The following FGGY variants were observed in gnomAD, a reference collection of about 807,000 sequenced individuals.
FGGY encodes FGGY carbohydrate kinase domain-containing protein.
FGGY carries 72 observed loss-of-function variants against 71.3 expected under a neutral mutation model. The ratio of observed to expected loss-of-function variants is 1.01; its 90% CI spans 0.84 to 1.23. The LOEUF is 1.23. FGGY is among the 50% of genes most tolerant of loss of function. FGGY has a pLI of 0.00. For synonymous variants in FGGY, 251 were observed against 250.3 expected (o/e 1.00, Z -0.02); for missense variants, 668 against 682.3 (o/e 0.98, Z 0.23).
rs781021371 is a variant in FGGY at position 59,660,294 on chromosome 1, G to C, written c.1296+1G>C. The C allele has an allele frequency of 3.7e-6, 6 of 1,611,686 alleles. No individual in the cohort carries two copies. Among genetic ancestry groups the C allele is most frequent in the Non-Finnish European group, 5.1e-6 (6 of 1,179,292 alleles). On this transcript the variant is annotated splice_donor_variant, in intron 12 of 15. Transcript: ENST00000303721. LOFTEE classifies it high-confidence loss of function. ...CCTGGCCACAGTTCAAGCCATTGCTGTAAGATACTGTAATGCCATTTTTAA... is the reference window on the plus strand; with the variant it reads ...CCTGGCCACAGTTCAAGCCATTGCTCTAAGATACTGTAATGCCATTTTTAA...
Position 59,496,814 on chromosome 1 carries a change from C to T in FGGY, c.671-15497C>T, listed in dbSNP as rs1262595799. Among the ~76,000 whole-genome samples the T allele has an allele frequency of 2.6e-5, 4 of 152,188 alleles. No homozygotes were observed. In the East Asian group the frequency reaches 7.7e-4, roughly 29 times the overall value. ...TATTTCCTTAGAGATTCTCAGTGCA[C>T]ACCAGCATATTAAAGTCCCAATTGT... On this transcript the variant is annotated intron_variant, in intron 6 of 15. Transcript: ENST00000303721.
intron 14 of FGGY, among the ~76,000 whole-genome samples, chr1:59,741,525 T>C (rs139654401): frequency 1.4e-3 from 215 of 152,294 alleles, no homozygotes; most frequent in Middle Eastern, 6.8e-3. Context: ...TCTTCATAAA[T>C]TACCCAGTCT....
chr1:59,357,552 C>G (rs938082060), intron 4 of FGGY, among the ~76,000 whole-genome samples: 16 of 152,008 alleles, frequency 1.1e-4, no homozygotes, highest in Admixed American at 3.9e-4. Flanking sequence ...AAATGAAGTC[C>G]CTTGGATCTT....
chr1:59,548,813 A>AGAAT (rs2095564818), intron 7 of FGGY, among the ~76,000 whole-genome samples: 1 of 152,196 alleles, frequency 6.6e-6, no homozygotes, highest in Non-Finnish European at 1.5e-5. Context: ...CCATCATCAC[A>AGAAT]GAATGCTCTT....
intron 14 of FGGY, among the ~76,000 whole-genome samples, chr1:59,696,873 A>G (rs1418010567): frequency 6.6e-6 from 1 of 152,178 alleles, no homozygotes; most frequent in African/African-American, 2.4e-5. Context: ...CCCTCTTTTT[A>G]CAGATGAGGA....
At chr1:59,369,641 C>T (rs1310057756) in intron 4 of FGGY, among the ~76,000 whole-genome samples, 1 of 152,186 alleles carries the variant, frequency 6.6e-6, no homozygotes. Context: ...GACCCCCGAG[C>T]AGCCTAACTG....
chr1:59,568,462 G>C (rs1197783718), intron 8 of FGGY, among the ~76,000 whole-genome samples: 1 of 132,962 alleles, frequency 7.5e-6, no homozygotes, highest in African/African-American at 2.9e-5. Context: ...TGGTCGGGGG[G>C]GCGGGGGGGG....
chr1:59,338,942 C>T (rs993533662), intron 2 of FGGY, among the ~76,000 whole-genome samples: 4 of 152,150 alleles, frequency 2.6e-5, no homozygotes, highest in Admixed American at 6.6e-5. Flanking sequence ...CTACCATATA[C>T]AGGTTAAGCA....
intron 14 of FGGY, among the ~76,000 whole-genome samples, chr1:59,724,784 G>T (rs2097927447): frequency 6.6e-6 from 1 of 152,116 alleles, no homozygotes; most frequent in South Asian, 2.1e-4. Context: ...CTTCTTTGGT[G>T]AATCACATGT....
chr1:59,480,537 T>C (rs980362616), intron 6 of FGGY, among the ~76,000 whole-genome samples: 2 of 152,130 alleles, frequency 1.3e-5, no homozygotes, highest in African/African-American at 4.8e-5. Context: ...CAAGGGAAGC[T>C]GGGGAAAGGT....
At chr1:59,429,848 A>G (rs1384236563) in intron 5 of FGGY, among the ~76,000 whole-genome samples, 2 of 152,268 alleles carry the variant, frequency 1.3e-5, no homozygotes, top group Non-Finnish European at 2.9e-5. Flanking sequence ...GTGAGTGACA[A>G]CAGGTGCAGA....
chr1:59,483,970 A>G (rs959182659), intron 6 of FGGY, among the ~76,000 whole-genome samples: 6 of 152,152 alleles, frequency 3.9e-5, no homozygotes, highest in Non-Finnish European at 8.8e-5. Flanking sequence ...GTGTACTGAT[A>G]ATGGTTATCA....
intron 5 of FGGY, among the ~76,000 whole-genome samples, chr1:59,405,703 ACCTC>A (rs778544631): frequency 1.3e-5 from 2 of 151,994 alleles, no homozygotes; most frequent in Non-Finnish European, 2.9e-5. Flanking sequence ...ACTTGTATGA[ACCTC>A]CCACCTTTAG....
At chr1:59,500,515 T>C (rs989098499) in intron 6 of FGGY, among the ~76,000 whole-genome samples, 4 of 151,936 alleles carry the variant, frequency 2.6e-5, no homozygotes, top group Non-Finnish European at 4.4e-5. Context: ...TTTTATGATA[T>C]ATATCTGCAG....
chr1:59,343,094 T>C (rs1182913098), intron 3 of FGGY, among the ~76,000 whole-genome samples: 1 of 152,142 alleles, frequency 6.6e-6, no homozygotes, highest in Non-Finnish European at 1.5e-5. Context: ...TAATTGGGGC[T>C]GGGAGAGGGA....
At chr1:59,699,441 G>C (rs527442271) in intron 14 of FGGY, 1 of 977,136 alleles carries the variant, frequency 1.0e-6, no homozygotes, top group Non-Finnish European at 1.2e-6. Flanking sequence ...CCTAGGGGCT[G>C]TAGAGAACAT....
intron 15 of FGGY, among the ~76,000 whole-genome samples, chr1:59,762,228 T>C (rs1254728558): frequency 6.6e-6 from 1 of 152,184 alleles, no homozygotes; most frequent in Non-Finnish European, 1.5e-5. Flanking sequence ...TAGCTGGGAT[T>C]ACAGGCGTCC....
chr1:59,441,407 G>A (rs942056616), intron 5 of FGGY, among the ~76,000 whole-genome samples: 1 of 152,110 alleles, frequency 6.6e-6, no homozygotes, highest in Non-Finnish European at 1.5e-5. Context: ...GGCTGAACTG[G>A]GTTGCTTATG....
At chr1:59,624,516 T>C (rs966760820) in intron 9 of FGGY, among the ~76,000 whole-genome samples, 2 of 152,190 alleles carry the variant, frequency 1.3e-5, no homozygotes, top group African/African-American at 2.4e-5. Flanking sequence ...GGCACTATAG[T>C]AGTGTATTAG....
Sources: allele counts gnomAD v4.1 joint callset (sites outside exome capture counted in the v4.1 genomes callset), GRCh38; gene constraint gnomAD v4.1.1; transcripts MANE v1.5; gene names NCBI Gene and HGNC (gene_info 2026-07-23, HGNC 2026-07-21).